Variants in MPP2 observed in about 807,000 individuals in gnomAD.
MPP2 encodes MAGUK p55 subfamily member 2.
Under a neutral mutation model 58.5 loss-of-function variants are expected in MPP2, and 42 were observed. The observed-to-expected ratio is 0.72, with a 90% CI of 0.56 to 0.93. MPP2 has a LOEUF of 0.93. MPP2 is among the 40% of genes least tolerant of loss of function. The pLI, the probability that MPP2 is intolerant of heterozygous loss-of-function variation, is 0.00. For missense variants in MPP2, 632 were observed against 760.4 expected (o/e 0.83, Z 1.99); for synonymous variants, 300 against 307.8 (o/e 0.97, Z 0.26).
intron 3 of MPP2, among the ~76,000 whole-genome samples, chr17:43,894,444 T>TATATATATATATATATATAC (rs1437854675): frequency 4.1e-4 from 33 of 81,264 alleles, no homozygotes; most frequent in Non-Finnish European, 5.6e-4. Flanking sequence ...TATATATATA[T>TATATATATATATATATATAC]ACACACACAC....
intron 3 of MPP2, among the ~76,000 whole-genome samples, chr17:43,883,701 A>G (rs970182807): frequency 9.3e-5 from 14 of 151,198 alleles, no homozygotes; most frequent in Non-Finnish European, 1.8e-4. Context: ...TCCACCAGAC[A>G]TCATGGTTGG....
chr17:43,884,614 T>C (rs1567884765), intron 3 of MPP2, among the ~76,000 whole-genome samples: 1 of 152,260 alleles, frequency 6.6e-6, no homozygotes, highest in African/African-American at 2.4e-5. Flanking sequence ...GTTAATCCTT[T>C]TGACAAGAGT....
intron 3 of MPP2, among the ~76,000 whole-genome samples, chr17:43,896,650 G>A (rs572753093): frequency 1.3e-5 from 2 of 151,956 alleles, no homozygotes; most frequent in South Asian, 4.2e-4. Context: ...CAAAGCCCCC[G>A]CTCCTTTCTC....
At position 43,894,616 on chromosome 17, in the gene MPP2, G is replaced by GGA. The variant is rs747069846; in HGVS notation, c.150+3645_150+3646insTC. On this transcript the variant is annotated intron_variant, in intron 3 of 12. Coordinates refer to ENST00000269095, the MANE Select transcript of MPP2 (RefSeq NM_005374.5). The stretch of plus-strand genomic sequence containing the variant: ...TGGGCAACAGAGTGAGACTCCAGAG[G>GGA]AAAAAAAAAAAAAAAAAAAAAGCAC... 2.4e-4 allele frequency among the ~76,000 whole-genome samples: 16 copies of GGA among 66,090 alleles called. 1 individual carries two copies. In the South Asian group the frequency reaches 0.011, roughly 44 times the overall value. 43.4% of individuals were successfully genotyped at this position (66,090 alleles called of 152,430 possible).
intron 2 of MPP2, chr17:43,900,696 G>A (rs2048059745): frequency 7.3e-7 from 1 of 1,374,662 alleles, no homozygotes; most frequent in Non-Finnish European, 9.5e-7. Context: ...CTCAGCCGCC[G>A]TGACCGCCTT....
upstream of MPP2, among the ~76,000 whole-genome samples, chr17:43,909,091 A>G (rs1193931312): frequency 1.3e-5 from 2 of 151,682 alleles, no homozygotes; most frequent in Non-Finnish European, 1.5e-5. Flanking sequence ...TTTGAGACGG[A>G]GTTTCGCTCT....
intron 3 of MPP2, among the ~76,000 whole-genome samples, chr17:43,895,153 AC>A (rs1380340990): frequency 6.6e-6 from 1 of 151,896 alleles, no homozygotes; most frequent in Non-Finnish European, 1.5e-5. Context: ...TCACTCGGTC[AC>A]CCAGGCTGGA....
At chr17:43,906,700 C>T (rs954748209) in intron 1 of MPP2, among the ~76,000 whole-genome samples, 1 of 152,146 alleles carries the variant, frequency 6.6e-6, no homozygotes, top group Non-Finnish European at 1.5e-5. Flanking sequence ...ACCCCTGCCC[C>T]AACGGACCCA....
chr17:43,881,995 G>A (rs2047148122), intron 6 of MPP2, among the ~76,000 whole-genome samples: 1 of 152,212 alleles, frequency 6.6e-6, no homozygotes, highest in African/African-American at 2.4e-5. Flanking sequence ...CCCACCCTGC[G>A]CACGCGCACA....
chr17:43,889,032 T>A (rs1323468153), intron 3 of MPP2, among the ~76,000 whole-genome samples: 1 of 151,798 alleles, frequency 6.6e-6, no homozygotes, highest in Non-Finnish European at 1.5e-5. Context: ...GCTCAAAAAT[T>A]CTTGTGCTTC....
At position 43,875,547 on chromosome 17, in the gene MPP2, A is replaced by T. The variant is rs2046782690; in HGVS notation, c.*2260T>A. The stretch of plus-strand genomic sequence containing the variant: ...CAAGAGTCCACAATGGCAGGGAGGG[A>T]GAACAGAGTCATAGAGCTGTGGTGG... On this transcript the variant is annotated 3_prime_UTR_variant, in exon 13 of 13. Transcript: ENST00000269095. The T allele has an allele frequency of 6.6e-6, 1 of 152,006 alleles. No individual in the cohort carries two copies. The highest frequency in any genetic ancestry group is 2.4e-5 in the African/African-American group (1 of 41,178). The allele number at this position is 152,006 out of a possible 1,614,324, so 9.4% of individuals were successfully genotyped here.
At chr17:43,886,290 TGTTA>T (rs1222678539) in intron 3 of MPP2, among the ~76,000 whole-genome samples, 3 of 151,792 alleles carry the variant, frequency 2.0e-5, no homozygotes, top group East Asian at 1.9e-4. Flanking sequence ...TAATTATTAT[TGTTA>T]GTTTGTTTGA....
intron 1 of MPP2, chr17:43,905,973 G>T: frequency 2.1e-6 from 1 of 467,212 alleles, no homozygotes; most frequent in Non-Finnish European, 2.8e-6. Context: ...CAGGCTGGAA[G>T]AAATGCCCAG....
In MPP2 at chr17:43,881,596, C is replaced by T. The variant is rs1414882581; in HGVS notation, c.682-7G>A. 9 of 1,613,160 alleles carry T rather than the reference C, an allele frequency of 5.6e-6. No individual in the cohort carries two copies. Among genetic ancestry groups the T allele is most frequent in the Non-Finnish European group, 5.9e-6 (7 of 1,179,532 alleles). On this transcript the variant is annotated splice_region_variant and splice_polypyrimidine_tract_variant and intron_variant, in intron 6 of 12. Coordinates refer to ENST00000269095, the MANE Select transcript of MPP2 (RefSeq NM_005374.5). ...AGTGACATTTCACAAATACCTGGGCCCAGGAATCAGCAAAGGGTCGGGGGA... is the reference window on the plus strand; with the variant it reads ...AGTGACATTTCACAAATACCTGGGCTCAGGAATCAGCAAAGGGTCGGGGGA...
Position 43,879,999 on chromosome 17 carries a change from G to C in MPP2, c.1151-15C>G, listed in dbSNP as rs1478988697. On this transcript the variant is annotated splice_polypyrimidine_tract_variant and intron_variant, in intron 10 of 12. Transcript: ENST00000269095. This position sits in a 1 kb window ranked among gnomAD's most constrained non-coding sequence, Gnocchi z 4.1. ...CCGGGAGGTGTCTAGGGGGATGGGG[G>C]TAGGTTGGACCAAATGGGCAGGGGC... is the stretch of plus-strand genomic sequence containing the variant. 2.5e-6 allele frequency: 4 copies of C among 1,613,716 alleles called. No individual in the cohort carries two copies. In the East Asian group the frequency reaches 6.7e-5, roughly 27 times the overall value.
At position 43,882,346 on chromosome 17, in the gene MPP2, C is replaced by T. The variant is rs760444691; in HGVS notation, c.619G>A (p.Ala207Thr). The T allele has an allele frequency of 1.9e-6, 3 of 1,612,532 alleles. No individual in the cohort carries two copies. The South Asian group carries it at 3.3e-5, about 18-fold the overall frequency. Residue 207 changes from alanine to threonine, a missense_variant, in exon 6 of 13, where the codon GCC (alanine) becomes ACC (threonine). By Grantham distance (58) the Ala-to-Thr change is moderately conservative (BLOSUM62 0). Coordinates refer to ENST00000269095, the MANE Select transcript of MPP2 (RefSeq NM_005374.5). ...PRALQELLRN[A>T]SGSVILKILP... ...ATCTTGAGGATGACACTGCCACTGG[C>T]ATTGCGCAGGAGCTCCTGCAGTGCG... is the stretch of plus-strand genomic sequence containing the variant.
chr17:43,898,302 C>T lies in MPP2; in HGVS notation c.110G>A (p.Arg37Gln), dbSNP rs747509944. ...TACTATGGGACTTTCCATAATGCCT[C>T]GAAGGAAGATCAGGTCCAGCTCTGC... Reference protein sequence around the residue: ...GAAELDLIFLRGIMESPIVRS... With the variant: ...GAAELDLIFLQGIMESPIVRS... Residue 37 changes from arginine (R) to glutamine (Q), a missense_variant, in exon 3 of 13, where the codon CGA becomes CAA. Transcript: ENST00000269095. The T allele has an allele frequency of 6.2e-7, 1 of 1,614,144 alleles. No individual in the cohort carries two copies. Among genetic ancestry groups the T allele is most frequent in the Non-Finnish European group, 8.5e-7 (1 of 1,180,020 alleles).
intron 2 of MPP2, among the ~76,000 whole-genome samples, chr17:43,899,162 G>A (rs923002105): frequency 2.0e-5 from 3 of 152,094 alleles, no homozygotes; most frequent in African/African-American, 4.8e-5. Context: ...CAGGAAAATC[G>A]CTTGAACCCA....
At chr17:43,894,748 A>G (rs946918268) in intron 3 of MPP2, among the ~76,000 whole-genome samples, 4 of 151,800 alleles carry the variant, frequency 2.6e-5, no homozygotes, top group Admixed American at 6.6e-5. Context: ...AGCCTGGACA[A>G]TGTAGCAAGA....
Sources: gnomAD v4.1 joint callset for allele counts (sites outside exome capture counted in the v4.1 genomes callset) on GRCh38, gnomAD v4.1.1 for gene constraint, Gnocchi (gnomAD v3.1) non-coding constraint, MANE v1.5 for transcripts, NCBI Gene and HGNC (gene_info 2026-07-23, HGNC 2026-07-21) for gene names.